ST6GAL2: variants seen among roughly 807,000 people sequenced by gnomAD.
ST6GAL2 encodes the protein beta-galactoside alpha-2,6-sialyltransferase 2.
In ST6GAL2, 24 loss-of-function variants were observed where a neutral mutation model predicts 37.5. The observed-to-expected ratio is 0.64, with a 90% CI of 0.46 to 0.90. The LOEUF (loss-of-function observed/expected upper bound fraction) is 0.90, where lower values mean the gene tolerates loss of function less well. Ranked by LOEUF, ST6GAL2 falls within the 40% of genes least tolerant of loss-of-function variation. The pLI is 0.00. For missense variants in ST6GAL2, 715 were observed against 712.7 expected (o/e 1.00, Z -0.04); for synonymous variants, 306 against 295.1 (o/e 1.04, Z -0.38).
chr2:106,884,348 A>G (rs528028095), intron 1 of ST6GAL2, among the ~76,000 whole-genome samples: 3 of 152,318 alleles, frequency 2.0e-5, no homozygotes, highest in South Asian at 2.1e-4. Flanking sequence ...TTCAAATGTT[A>G]AATTGTCTCA....
In ST6GAL2 at chr2:106,805,434, T is replaced by C. The variant is rs1241386521; in HGVS notation, c.*1244A>G. On this transcript the variant is annotated 3_prime_UTR_variant, in exon 6 of 6. Coordinates refer to ENST00000409382, the MANE Select transcript of ST6GAL2 (RefSeq NM_001142351.2). ...AAATCAACCCTGAATATAGCTAACA[T>C]ATTGGGATGAAAATTTCCCTCTAGC... 6.6e-6 allele frequency: 1 copy of C among 152,198 alleles called. No homozygotes were observed. Among genetic ancestry groups the C allele is most frequent in the African/African-American group, 2.4e-5 (1 of 41,444 alleles). The allele number at this position is 152,198 out of a possible 1,614,324, so 9.4% of individuals were successfully genotyped here.
In ST6GAL2 at chr2:106,802,246, TTAAAA is replaced by T. The variant is rs1478001511; in HGVS notation, c.*4427_*4431del. The T allele has an allele frequency of 2.0e-5, 3 of 152,138 alleles. No individual in the cohort carries two copies. The highest frequency in any genetic ancestry group is 6.5e-5 in the Admixed American group (1 of 15,270). The allele number at this position is 152,138 out of a possible 1,614,324, so 9.4% of individuals were successfully genotyped here. On this transcript the variant is annotated 3_prime_UTR_variant, in exon 6 of 6. Coordinates refer to ENST00000409382, the MANE Select transcript of ST6GAL2 (RefSeq NM_001142351.2). The stretch of plus-strand genomic sequence containing the variant: ...TCTCAAAATATTAGTGGTTACATAA[TTAAAA>T]TAAAATTTATTGTAAAGGTTTCAGT...
At chr2:106,833,333 G>A (rs1007235965) in intron 3 of ST6GAL2, among the ~76,000 whole-genome samples, 1 of 152,058 alleles carries the variant, frequency 6.6e-6, no homozygotes, top group East Asian at 1.9e-4. Context: ...TAAATGAATG[G>A]CAGATTTTAC....
At position 106,843,850 on chromosome 2, in the gene ST6GAL2, A is replaced by C. The variant is rs781329223; in HGVS notation, c.128T>G (p.Leu43Arg). 16 of 1,612,028 alleles carry C rather than the reference A, an allele frequency of 9.9e-6. No individual in the cohort carries two copies. The East Asian group carries it at 3.3e-4, about 34-fold the overall frequency. ...SNPAEPVPSS[L>R]SFLETRRLLP... The stretch of plus-strand genomic sequence containing the variant: ...GAGCCTCCTGGTCTCCAGGAAGGAG[A>C]GGGAGCTGGGTACAGGCTCAGCGGG... Residue 43 changes from leucine (L) to arginine (R), a missense_variant, in exon 2 of 6, where the codon CTC (leucine) becomes CGC (arginine). Coordinates refer to ENST00000409382, the MANE Select transcript of ST6GAL2 (RefSeq NM_001142351.2).
chr2:106,854,882 T>A (rs1677511806), intron 1 of ST6GAL2, among the ~76,000 whole-genome samples: 2 of 150,682 alleles, frequency 1.3e-5, no homozygotes, highest in East Asian at 2.0e-4. Flanking sequence ...AATCCTTTTT[T>A]AAAAATATAA....
chr2:106,820,644 T>A (rs1235656361), intron 5 of ST6GAL2, among the ~76,000 whole-genome samples: 1 of 152,094 alleles, frequency 6.6e-6, no homozygotes, highest in African/African-American at 2.4e-5. Context: ...TATAATTATT[T>A]ACAAAACATT....
At chr2:106,830,284 C>A (rs749833279) in intron 4 of ST6GAL2, 44 bp from the exon 5 acceptor site, 2 of 1,547,024 alleles carry the variant, frequency 1.3e-6, no homozygotes, top group Non-Finnish European at 1.8e-6. Flanking sequence ...AAGAACTAAA[C>A]TATGAAAGGA....
At chr2:106,871,119 A>G (rs546457096) in intron 1 of ST6GAL2, among the ~76,000 whole-genome samples, 35 of 152,352 alleles carry the variant, frequency 2.3e-4, no homozygotes, top group Non-Finnish European at 8.8e-5. Context: ...AAACGTGTAC[A>G]GCATGTCACT....
At chr2:106,844,885 T>C (rs1013985508) in intron 1 of ST6GAL2, among the ~76,000 whole-genome samples, 3 of 152,156 alleles carry the variant, frequency 2.0e-5, no homozygotes, top group African/African-American at 7.2e-5. Flanking sequence ...CTGTACAGCA[T>C]TGCAACTAAT....
At chr2:106,849,444 C>T (rs950775690) in intron 1 of ST6GAL2, among the ~76,000 whole-genome samples, 3 of 152,156 alleles carry the variant, frequency 2.0e-5, no homozygotes, top group African/African-American at 4.8e-5. Flanking sequence ...TCCAACCTGA[C>T]TCTGGTATAG....
chr2:106,886,293 C>T (rs1241703796), upstream of ST6GAL2: 1 of 152,200 alleles, frequency 6.6e-6, no homozygotes, highest in Non-Finnish European at 1.5e-5. Flanking sequence ...CCGACTCACG[C>T]CGCGGAACTT....
chr2:106,813,390 G>T (rs1675684354), intron 5 of ST6GAL2, among the ~76,000 whole-genome samples: 1 of 152,138 alleles, frequency 6.6e-6, no homozygotes, highest in Non-Finnish European at 1.5e-5. Flanking sequence ...AAAATGTCAT[G>T]TTATATGATT....
At chr2:106,886,285 G>A (rs1292171422), upstream of ST6GAL2, 1 of 152,168 alleles carries the variant, frequency 6.6e-6, no homozygotes, top group Admixed American at 6.5e-5. Flanking sequence ...CGGGGTCCCC[G>A]ACTCACGCCG....
At chr2:106,865,866 T>G (rs1678004530) in intron 1 of ST6GAL2, among the ~76,000 whole-genome samples, 1 of 152,254 alleles carries the variant, frequency 6.6e-6, no homozygotes, top group Admixed American at 6.5e-5. Context: ...CTTATTCATT[T>G]GTACACTGTT....
At position 106,813,334 on chromosome 2, in the gene ST6GAL2, A is replaced by G. The variant is rs1178168066; in HGVS notation, c.1319-6385T>C. Reference sequence around the variant, plus strand: ...TATGCTTTTAAACATCATATAACGCAAGATAATTATCAAACCATTTAAAAA... The same window carrying G: ...TATGCTTTTAAACATCATATAACGCGAGATAATTATCAAACCATTTAAAAA... On this transcript the variant is annotated intron_variant, in intron 5 of 5. Transcript: ENST00000409382. 5 of 670,778 alleles carry G rather than the reference A, an allele frequency of 7.5e-6. No homozygotes were observed. The South Asian group carries it at 3.9e-4, about 52-fold the overall frequency. The allele number at this position is 670,778 out of a possible 1,614,324, so 41.6% of individuals were successfully genotyped here.
intron 5 of ST6GAL2, among the ~76,000 whole-genome samples, chr2:106,827,801 AT>A (rs755041239): frequency 4.6e-5 from 7 of 152,240 alleles, no homozygotes; most frequent in Non-Finnish European, 1.0e-4. Flanking sequence ...TAATTGAAAC[AT>A]AAGTAGCCAT....
intron 4 of ST6GAL2, among the ~76,000 whole-genome samples, chr2:106,831,445 G>A (rs1300225076): frequency 6.6e-6 from 1 of 152,204 alleles, no homozygotes; most frequent in Non-Finnish European, 1.5e-5. Context: ...AGAGAGCTGT[G>A]AGAGCTTAAA....
intron 5 of ST6GAL2, among the ~76,000 whole-genome samples, chr2:106,811,395 C>T (rs1357382934): frequency 6.6e-6 from 1 of 152,090 alleles, no homozygotes; most frequent in African/African-American, 2.4e-5. Context: ...ATACTGCAGG[C>T]AGACAGGACG....
At position 106,803,327 on chromosome 2, in the gene ST6GAL2, C is replaced by G. The variant is rs933157485; in HGVS notation, c.*3351G>C. The G allele has an allele frequency of 6.6e-6, 1 of 152,056 alleles. No homozygotes were observed. Among genetic ancestry groups the G allele is most frequent in the Non-Finnish European group, 1.5e-5 (1 of 68,036 alleles). 9.4% of individuals were successfully genotyped at this position (152,056 alleles called of 1,614,324 possible). On this transcript the variant is annotated 3_prime_UTR_variant, in exon 6 of 6. Transcript: ENST00000409382. ...TCAGGCAGACAAGGAAAGACCTGGT[C>G]GTTCAAAGATGTATAAAAGCCCTCC...
Sources: allele counts gnomAD v4.1 joint callset (sites outside exome capture counted in the v4.1 genomes callset), GRCh38; gene constraint gnomAD v4.1.1; transcripts MANE v1.5; gene names NCBI Gene and HGNC (gene_info 2026-07-23, HGNC 2026-07-21).